CALN1: variants seen among roughly 807,000 people sequenced by gnomAD.
The protein encoded by CALN1 is calneuron 1.
CALN1 carries 17 observed loss-of-function variants against 30.6 expected under a neutral mutation model. The ratio of observed to expected loss-of-function variants is 0.56; its 90% CI spans 0.38 to 0.83. CALN1 has a LOEUF of 0.83. CALN1 is among the 40% of genes least tolerant of loss of function. CALN1 has a pLI of 0.00. For missense variants in CALN1, 291 were observed against 354.9 expected (o/e 0.82, Z 1.45); for synonymous variants, 156 against 131.4 (o/e 1.19, Z -1.28).
chr7:71,920,822 T>A (rs1287918685), intron 5 of CALN1, among the ~76,000 whole-genome samples: 1 of 152,168 alleles, frequency 6.6e-6, no homozygotes, highest in African/African-American at 2.4e-5. Flanking sequence ...TTCTCAAGGA[T>A]CTATAACTAG....
At chr7:72,336,742 G>A in intron 2 of CALN1, 34 of 985,346 alleles carry the variant, frequency 3.5e-5, no homozygotes, top group Non-Finnish European at 4.1e-5. Flanking sequence ...GGCAGCCGAG[G>A]CGCCTCCGCA....
rs778354270 is a variant in CALN1 at position 71,817,967 on chromosome 7, G to GT, written c.502-7476dup. 1.9e-3 allele frequency among the ~76,000 whole-genome samples: 284 copies of GT among 151,768 alleles called. 2 individuals are homozygous for GT. Among genetic ancestry groups the GT allele is most frequent in the Non-Finnish European group, 3.0e-3 (206 of 67,980 alleles). The stretch of plus-strand genomic sequence containing the variant: ...TTGTTCTCCATAAATTATTCTTATA[G>GT]TTCAAATATTTGTTAAATGAGGCTA... On this transcript the variant is annotated intron_variant, in intron 5 of 6. Transcript: ENST00000395275.
intron 5 of CALN1, among the ~76,000 whole-genome samples, chr7:71,850,308 C>G (rs796176717): frequency 6.6e-6 from 1 of 152,112 alleles, no homozygotes; most frequent in East Asian, 1.9e-4. Context: ...CTCCGCCTCC[C>G]GGGTTCAAGC....
chr7:72,283,626 A>G (rs1369642513), intron 2 of CALN1, among the ~76,000 whole-genome samples: 1 of 152,212 alleles, frequency 6.6e-6, no homozygotes, highest in East Asian at 1.9e-4. Context: ...GATCATATGA[A>G]GCAGGATGCA....
At chr7:72,333,987 C>T (rs1801839063) in intron 2 of CALN1, among the ~76,000 whole-genome samples, 1 of 152,142 alleles carries the variant, frequency 6.6e-6, no homozygotes, top group South Asian at 2.1e-4. Flanking sequence ...TGGAAAGTGC[C>T]CCGCACATAG....
intron 5 of CALN1, among the ~76,000 whole-genome samples, chr7:72,020,928 C>A: frequency 6.6e-6 from 1 of 152,094 alleles, no homozygotes; most frequent in African/African-American, 2.4e-5. Flanking sequence ...CTCACAAGGC[C>A]TTGGAACATT....
At chr7:71,789,114 T>G (rs972669658) in intron 6 of CALN1, among the ~76,000 whole-genome samples, 1 of 152,034 alleles carries the variant, frequency 6.6e-6, no homozygotes, top group Admixed American at 6.6e-5. Flanking sequence ...CTGGGAGGTT[T>G]TTGAAAATGC....
chr7:72,228,688 C>T (rs1301097553), intron 3 of CALN1, among the ~76,000 whole-genome samples: 1 of 151,748 alleles, frequency 6.6e-6, no homozygotes, highest in Non-Finnish European at 1.5e-5. Context: ...GTGCTTAATG[C>T]AGGGCCTGGA....
intron 5 of CALN1, among the ~76,000 whole-genome samples, chr7:71,911,889 C>T (rs1407522074): frequency 1.3e-5 from 2 of 152,108 alleles, no homozygotes; most frequent in Non-Finnish European, 2.9e-5. Flanking sequence ...GATGAGTTTC[C>T]ATCAGGAGCA....
chr7:72,147,964 G>T, intron 3 of CALN1, among the ~76,000 whole-genome samples: 1 of 119,584 alleles, frequency 8.4e-6, no homozygotes, highest in East Asian at 3.0e-4. Flanking sequence ...GAGGGGGGAG[G>T]GATAGCATTA....
At chr7:72,474,938 T>C in the CALN1 span, among the ~76,000 whole-genome samples, 2 of 152,168 alleles carry the variant, frequency 1.3e-5, no homozygotes, top group Non-Finnish European at 2.9e-5. Flanking sequence ...TTCATCTGGA[T>C]TACTTCTGTG....
At chr7:71,961,615 C>T (rs1797251342) in intron 5 of CALN1, among the ~76,000 whole-genome samples, 2 of 152,154 alleles carry the variant, frequency 1.3e-5, no homozygotes, top group African/African-American at 2.4e-5. Context: ...AATGTGTGTG[C>T]GCAATTCTCC....
intron 5 of CALN1, among the ~76,000 whole-genome samples, chr7:71,916,177 G>A (rs561198535): frequency 3.4e-4 from 51 of 150,602 alleles, no homozygotes; most frequent in African/African-American, 1.2e-3. Context: ...TCCCATCAAG[G>A]TTGCCTAGGA....
chr7:72,281,915 G>C (rs1797754981), intron 2 of CALN1, among the ~76,000 whole-genome samples: 1 of 151,828 alleles, frequency 6.6e-6, no homozygotes, highest in Non-Finnish European at 1.5e-5. Flanking sequence ...AATCCCACTT[G>C]ATATACCAAC....
At chr7:71,890,863 C>T (rs1793203058) in intron 5 of CALN1, among the ~76,000 whole-genome samples, 1 of 150,720 alleles carries the variant, frequency 6.6e-6, no homozygotes, top group African/African-American at 2.4e-5. Context: ...CCTCCCACTT[C>T]AGCCTCCTGA....
At chr7:71,847,766 G>GA (rs1465817139) in intron 5 of CALN1, among the ~76,000 whole-genome samples, 26 of 109,004 alleles carry the variant, frequency 2.4e-4, no homozygotes, top group East Asian at 1.7e-3. Flanking sequence ...GAAAGAAGAA[G>GA]AAGAAGAAAG....
At chr7:71,800,371 C>T (rs1787230783) in intron 6 of CALN1, among the ~76,000 whole-genome samples, 1 of 152,168 alleles carries the variant, frequency 6.6e-6, no homozygotes, top group Admixed American at 6.5e-5. Context: ...CCTGTGTCAC[C>T]ATCCTTGGCA....
At chr7:72,058,604 C>G (rs888916015) in intron 4 of CALN1, among the ~76,000 whole-genome samples, 1 of 152,066 alleles carries the variant, frequency 6.6e-6, no homozygotes, top group African/African-American at 2.4e-5. Context: ...CAGGCACAAG[C>G]GACCATGCCT....
At chr7:71,945,548 G>C (rs547847347) in intron 5 of CALN1, among the ~76,000 whole-genome samples, 2 of 152,156 alleles carry the variant, frequency 1.3e-5, no homozygotes, top group Non-Finnish European at 2.9e-5. Flanking sequence ...AAACATTGCC[G>C]CCTGAACTCT....
Sources: gnomAD v4.1 joint callset for allele counts (sites outside exome capture counted in the v4.1 genomes callset) on GRCh38, gnomAD v4.1.1 for gene constraint, MANE v1.5 for transcripts, NCBI Gene and HGNC (gene_info 2026-07-23, HGNC 2026-07-21) for gene names.